AKAP7: variants seen among roughly 807,000 people sequenced by gnomAD.
AKAP7 encodes the protein A kinase (PRKA) anchor protein 7.
Under a neutral mutation model 39.5 loss-of-function variants are expected in AKAP7, and 39 were observed. That is an observed-to-expected ratio of 0.99 (90% CI 0.76 to 1.29). AKAP7 has a LOEUF of 1.29. AKAP7 is among the 50% of genes most tolerant of loss of function. AKAP7 has a pLI of 0.00. For synonymous variants in AKAP7, 140 were observed against 139.1 expected (o/e 1.01, Z -0.05); for missense variants, 414 against 407.7 (o/e 1.02, Z -0.13).
intron 3 of AKAP7, among the ~76,000 whole-genome samples, chr6:131,161,997 G>A (rs1308578813): frequency 6.6e-6 from 1 of 152,082 alleles, no homozygotes; most frequent in Non-Finnish European, 1.5e-5. Flanking sequence ...AACACCTCTG[G>A]GTGTCACTTT....
intron 3 of AKAP7, among the ~76,000 whole-genome samples, chr6:131,163,160 CTT>C (rs1300371693): frequency 1.3e-5 from 2 of 152,070 alleles, no homozygotes; most frequent in Non-Finnish European, 2.9e-5. Context: ...GGTAGGGTAA[CTT>C]ATAATAGAGG....
At chr6:131,185,129 A>G (rs1805701967) in intron 5 of AKAP7, 2 of 616,344 alleles carry the variant, frequency 3.2e-6, no homozygotes, top group Admixed American at 3.9e-5. Context: ...TGTGCAACAG[A>G]ACCTCTAAAC....
chr6:131,238,736 C>T (rs1811289268), intron 7 of AKAP7, among the ~76,000 whole-genome samples: 2 of 152,034 alleles, frequency 1.3e-5, no homozygotes, highest in South Asian at 4.2e-4. Context: ...CAACCCCTGC[C>T]TTTTTTTGTT....
intron 7 of AKAP7, among the ~76,000 whole-genome samples, chr6:131,261,273 T>TAGA (rs1302986131): frequency 6.6e-6 from 1 of 151,646 alleles, no homozygotes; most frequent in Non-Finnish European, 1.5e-5. Flanking sequence ...TGCTTTAAGA[T>TAGA]AGAAGTATAA....
rs537943360 is a variant in AKAP7, at chr6:131,179,801, C to T, written c.589+10528C>T. On this transcript the variant is annotated intron_variant, in intron 5 of 7. Transcript: ENST00000431975. ...GAAGGATTGCTTGAGTCTGGGAGGG[C>T]GAGGCTGCAGCGAGCTGTGAATATG... Among the ~76,000 whole-genome samples the T allele has an allele frequency of 6.6e-5, 10 of 151,846 alleles. No individual in the cohort carries two copies. The South Asian group carries it at 1.0e-3, about 16-fold the overall frequency.
chr6:131,250,556 AGGACC>A, intron 7 of AKAP7: 1 of 1,614,040 alleles, frequency 6.2e-7, no homozygotes, highest in Non-Finnish European at 8.5e-7. Flanking sequence ...AAAGACAGAC[AGGACC>A]AGTGCCATGG....
chr6:131,169,244 A>T lies in AKAP7; in HGVS notation c.560A>T (p.Asp187Val), dbSNP rs752119437. The change falls in exon 5 of 8, where the codon GAT becomes GTT. Residue 187 changes from aspartate to valine, a missense_variant. By Grantham distance (152) the Asp-to-Val change is radical. Transcript: ENST00000431975. ...QVGFVKLAEG[D>V]HVNSLLEIAE... ...GGATTTGTGAAGCTGGCAGAAGGAG[A>T]TCATGTAAACTCACTTTTGGAGATA... 22 of 1,613,974 alleles carry T rather than the reference A, an allele frequency of 1.4e-5. 1 individual carries two copies. The South Asian group carries it at 2.3e-4, about 17-fold the overall frequency.
intron 2 of AKAP7, among the ~76,000 whole-genome samples, chr6:131,153,858 C>T (rs1302774443): frequency 1.3e-5 from 2 of 152,134 alleles, no homozygotes; most frequent in Non-Finnish European, 2.9e-5. Context: ...CTTATACTAA[C>T]TGTGAGCAAT....
At chr6:131,236,602 C>T (rs1811081629) in intron 7 of AKAP7, among the ~76,000 whole-genome samples, 1 of 152,150 alleles carries the variant, frequency 6.6e-6, no homozygotes, top group Non-Finnish European at 1.5e-5. Flanking sequence ...TTGTAGTTCT[C>T]CTTGAAGAGG....
chr6:131,207,388 T>TGGCATGG (rs899452824), intron 6 of AKAP7, among the ~76,000 whole-genome samples: 30 of 150,192 alleles, frequency 2.0e-4, no homozygotes, highest in African/African-American at 6.6e-4. Context: ...GGCATGATCA[T>TGGCATGG]AGCTGATCGC....
rs1814712060 is a variant in AKAP7, at chr6:131,276,031, G to A, written c.851-5499G>A. Among the ~76,000 whole-genome samples the A allele has an allele frequency of 3.9e-5, 6 of 152,108 alleles. No individual in the cohort carries two copies. In the South Asian group the frequency reaches 1.0e-3, roughly 26 times the overall value. On this transcript the variant is annotated intron_variant, in intron 7 of 7. Coordinates refer to ENST00000431975, the MANE Select transcript of AKAP7 (RefSeq NM_016377.4). ...CTGCATTCCACCCCTACCATCCCCA[G>A]TGTAAAAATGATGAGGGTGGAGTTG...
rs564201153 is a variant in AKAP7, at chr6:131,220,147, A to G, written c.850+339A>G. On this transcript the variant is annotated intron_variant, in intron 7 of 7. Coordinates refer to ENST00000431975, the MANE Select transcript of AKAP7 (RefSeq NM_016377.4). ...CCAGGGAAGGCCTCCATGACCTTCC[A>G]CAACTGGCATTTTGTATTTGCTGCT... Among the ~76,000 whole-genome samples the G allele has an allele frequency of 3.7e-4, 56 of 152,364 alleles. No individual in the cohort carries two copies. The Middle Eastern group carries it at 0.01, about 28-fold the overall frequency.
intron 4 of AKAP7, among the ~76,000 whole-genome samples, chr6:131,165,806 C>T (rs1803426154): frequency 6.6e-6 from 1 of 152,124 alleles, no homozygotes; most frequent in Admixed American, 6.5e-5. Context: ...TACTGCTTTC[C>T]AATCTGGAAG....
Position 131,233,261 on chromosome 6 carries a change from C to T in AKAP7, c.850+13453C>T, listed in dbSNP as rs1016002295. Reference sequence around the variant, plus strand: ...GAGTATGTAGAATAGTAGAAAGAGACGGAGAAAGAGCTCAAACTACAGAGG... The same window carrying T: ...GAGTATGTAGAATAGTAGAAAGAGATGGAGAAAGAGCTCAAACTACAGAGG... On this transcript the variant is annotated intron_variant, in intron 7 of 7. Transcript: ENST00000431975. Among the ~76,000 whole-genome samples, 11 of 152,186 alleles carry T rather than the reference C, an allele frequency of 7.2e-5. 1 individual carries two copies. Among genetic ancestry groups the T allele is most frequent in the South Asian group, 4.1e-4 (2 of 4,826 alleles).
At chr6:131,209,860 A>C (rs1389473529) in intron 6 of AKAP7, among the ~76,000 whole-genome samples, 1 of 152,202 alleles carries the variant, frequency 6.6e-6, no homozygotes, top group Non-Finnish European at 1.5e-5. Context: ...GGTAAAGACA[A>C]AATAGAATAT....
At chr6:131,218,854 A>G (rs1051887921) in intron 6 of AKAP7, among the ~76,000 whole-genome samples, 2 of 152,248 alleles carry the variant, frequency 1.3e-5, no homozygotes, top group African/African-American at 2.4e-5. Context: ...TGATTCTTAC[A>G]TAAGAAATTT....
intron 7 of AKAP7, among the ~76,000 whole-genome samples, chr6:131,256,008 C>T (rs1436078190): frequency 6.6e-6 from 1 of 152,180 alleles, no homozygotes; most frequent in Non-Finnish European, 1.5e-5. Flanking sequence ...CTCCCTGTCT[C>T]ATTTAAGAGT....
rs1803209160 is a variant in AKAP7, at chr6:131,163,728, TG to T, written c.292-1352del. Among the ~76,000 whole-genome samples, 12 of 152,292 alleles carry T rather than the reference TG, an allele frequency of 7.9e-5. No individual in the cohort carries two copies. The South Asian group carries it at 2.5e-3, about 32-fold the overall frequency. On this transcript the variant is annotated intron_variant, in intron 3 of 7. Coordinates refer to ENST00000431975, the MANE Select transcript of AKAP7 (RefSeq NM_016377.4). Reference sequence around the variant, plus strand: ...TCCTAATTGGAAGTATATGAAAATATGTGTTTCCATTAACTTTCAATTGCAT... The same window carrying T: ...TCCTAATTGGAAGTATATGAAAATATTGTTTCCATTAACTTTCAATTGCAT...
At position 131,175,749 on chromosome 6, in the gene AKAP7, A is replaced by G. The variant is rs1804512095; in HGVS notation, c.589+6476A>G. ...CCCACATTTGAGATATGCGCTCTCT[A>G]TGCCTGGAGGAATGGAACATCCTCC... On this transcript the variant is annotated intron_variant, in intron 5 of 7. Transcript: ENST00000431975. 2.6e-5 allele frequency among the ~76,000 whole-genome samples: 4 copies of G among 152,158 alleles called. No individual in the cohort carries two copies. In the South Asian group the frequency reaches 6.2e-4, roughly 24 times the overall value.
Sources: allele counts gnomAD v4.1 joint callset (sites outside exome capture counted in the v4.1 genomes callset), GRCh38; gene constraint gnomAD v4.1.1; transcripts MANE v1.5; gene names NCBI Gene and HGNC (gene_info 2026-07-23, HGNC 2026-07-21).